Variants in GRIN3B observed in about 807,000 individuals in gnomAD.
GRIN3B encodes glutamate ionotropic receptor NMDA type subunit 3B.
Under a neutral mutation model 66.0 loss-of-function variants are expected in GRIN3B, and 77 were observed. That is an observed-to-expected ratio of 1.17 (90% CI 0.97 to 1.41). The LOEUF (loss-of-function observed/expected upper bound fraction) is 1.41, where lower values mean the gene tolerates loss of function less well. Among genes scored for constraint, GRIN3B ranks in the 40% most tolerant of loss-of-function variants. The pLI, the probability that GRIN3B is intolerant of heterozygous loss-of-function variation, is 0.00. For synonymous variants in GRIN3B, 823 were observed against 749.7 expected (o/e 1.10, Z -1.60); for missense variants, 1,787 against 1,564.5 (o/e 1.14, Z -2.40).
intron 1 of GRIN3B, among the ~76,000 whole-genome samples, chr19:1,002,920 T>C (rs2038697875): frequency 6.7e-6 from 1 of 150,006 alleles, no homozygotes. Flanking sequence ...CAAGGGTAGC[T>C]GGAGCCAAGA....
In GRIN3B at chr19:1,009,641, A is replaced by G. The variant is rs2038827489; in HGVS notation, c.*39A>G. 3.0e-6 allele frequency: 4 copies of G among 1,346,586 alleles called. No homozygotes were observed. The highest frequency in any genetic ancestry group is 1.7e-5 in the South Asian group (1 of 60,090). 83.4% of individuals were successfully genotyped at this position (1,346,586 alleles called of 1,614,324 possible). A position where few individuals can be genotyped will look rare whatever the true frequency, so the allele number is the denominator to read the frequency against. ...CCGTTTGGGCTCAAGACACACACAC[A>G]GCGCAGTGAGCCGCTGTCAACAGAC... On this transcript the variant is annotated 3_prime_UTR_variant, in exon 9 of 9. Coordinates refer to ENST00000234389, the MANE Select transcript of GRIN3B (RefSeq NM_138690.3).
chr19:1,000,662 G>A lies in GRIN3B; in HGVS notation c.225G>A (p.Val75=), dbSNP rs1453042138. ...CGCACAACCTGAGCTTGGAGCTGGTGGTCGCCGCGCCCCCCGCCCGCGACC... is the reference window on the plus strand; with the variant it reads ...CGCACAACCTGAGCTTGGAGCTGGTAGTCGCCGCGCCCCCCGCCCGCGACC... ...RLPHNLSLEL[V]VAAPPARDPA... is the part of the protein sequence containing the mutation. The change falls in exon 1 of 9, where the codon GTG becomes GTA. Residue 75 remains valine, a synonymous_variant. Coordinates refer to ENST00000234389, the MANE Select transcript of GRIN3B (RefSeq NM_138690.3). 1.5e-6 allele frequency: 2 copies of A among 1,321,892 alleles called. No homozygotes were observed. The highest frequency in any genetic ancestry group is 3.3e-5 in the East Asian group (1 of 29,888). The allele number at this position is 1,321,892 out of a possible 1,614,324, so 81.9% of individuals were successfully genotyped here. A position where few individuals can be genotyped will look rare whatever the true frequency, so the allele number is the denominator to read the frequency against.
chr19:1,009,562 A>G lies in GRIN3B; in HGVS notation c.3092A>G (p.Glu1031Gly). ...CTTCAGGCCAGAGCGGCCCCCGCGG[A>G]GGCCCCACCACACTCTGGCCGACCG... ...RLLQARAAPA[E>G]APPHSGRPGS... Residue 1031 changes from glutamate to glycine, a missense_variant, in exon 9 of 9, where the codon GAG (glutamate) becomes GGG (glycine). Coordinates refer to ENST00000234389, the MANE Select transcript of GRIN3B (RefSeq NM_138690.3). The G allele has an allele frequency of 2.2e-6, 2 of 895,002 alleles. No homozygotes were observed. The highest frequency in any genetic ancestry group is 2.0e-5 in the South Asian group (1 of 50,100). 55.4% of individuals were successfully genotyped at this position (895,002 alleles called of 1,614,324 possible). A position where few individuals can be genotyped will look rare whatever the true frequency, so the allele number is the denominator to read the frequency against.
rs765106552 is a variant in GRIN3B at position 1,008,696 on chromosome 19, T to G, written c.2545T>G (p.Ser849Ala). The G allele has an allele frequency of 6.2e-7, 1 of 1,607,404 alleles. No individual in the cohort carries two copies. Among genetic ancestry groups the G allele is most frequent in the South Asian group, 1.1e-5 (1 of 91,058 alleles). ...CLGLGSALLS[S>A]LGEHAFFRLA... ...GGGCCTGGGCAGCGCTCTGCTCAGC[T>G]CGCTGGGCGAGCACGCCTTCTTCCG... is the stretch of plus-strand genomic sequence containing the variant. Residue 849 changes from serine to alanine, a missense_variant, in exon 7 of 9, where the codon TCG becomes GCG. Transcript: ENST00000234389.
At position 1,007,673 on chromosome 19, in the gene GRIN3B, A is replaced by G. The variant is rs1278892401; in HGVS notation, c.2098A>G (p.Ser700Gly). 2.0e-6 allele frequency: 3 copies of G among 1,534,328 alleles called. No homozygotes were observed. The highest frequency in any genetic ancestry group is 2.5e-5 in the East Asian group (1 of 39,880). ...QGFRFGTVWESSAEAYIKKSF... is the reference protein window; with the variant it reads ...QGFRFGTVWEGSAEAYIKKSF... ...CTTCCGCTTCGGCACCGTGTGGGAG[A>G]GCAGCGCCGAGGCGTACATCAAGAA... The change falls in exon 4 of 9, where the codon AGC becomes GGC. Residue 700 changes from serine to glycine, a missense_variant. Transcript: ENST00000234389. This position sits in a 1 kb window ranked among gnomAD's most constrained non-coding sequence, Gnocchi z 4.4.
At chr19:1,002,559 A>G (rs2038694991) in intron 1 of GRIN3B, 1 of 152,190 alleles carries the variant, frequency 6.6e-6, no homozygotes, top group Non-Finnish European at 1.5e-5. Context: ...ACGGGGCAGT[A>G]ATGTGTGAAG....
Position 1,005,575 on chromosome 19 carries a change from C to G in GRIN3B, c.2052+22C>G. ...CAAGGTGGGCGGCCTCGGGGGGCTG[C>G]GGGTGGCCTTGGGGGGCTAGCGGTG... On this transcript the variant is annotated intron_variant, in intron 3 of 8. Coordinates refer to ENST00000234389, the MANE Select transcript of GRIN3B (RefSeq NM_138690.3). The surrounding 1 kb of genome is among the most constrained non-coding windows in gnomAD (Gnocchi z 5.2). 6.5e-7 allele frequency: 1 copy of G among 1,533,342 alleles called. No individual in the cohort carries two copies. The highest frequency in any genetic ancestry group is 8.8e-7 in the Non-Finnish European group (1 of 1,136,922). The allele number at this position is 1,533,342 out of a possible 1,614,324, so 95.0% of individuals were successfully genotyped here.
rs1237443670 is a variant in GRIN3B at position 1,007,402 on chromosome 19, G to C, written c.2053-226G>C. On this transcript the variant is annotated intron_variant, in intron 3 of 8. Coordinates refer to ENST00000234389, the MANE Select transcript of GRIN3B (RefSeq NM_138690.3). The surrounding 1 kb of genome is among the most constrained non-coding windows in gnomAD (Gnocchi z 4.4). ...TTTAGAACAGAGGGTCTCCACCCGGGGTGATCCTGCCCCCCGCCCCAGGGG... is the reference window on the plus strand; with the variant it reads ...TTTAGAACAGAGGGTCTCCACCCGGCGTGATCCTGCCCCCCGCCCCAGGGG... Among the ~76,000 whole-genome samples the C allele has an allele frequency of 4.6e-5, 7 of 152,036 alleles. No individual in the cohort carries two copies. The highest frequency in any genetic ancestry group is 2.9e-5 in the Non-Finnish European group (2 of 67,972).
At chr19:1,008,344 C>T in intron 6 of GRIN3B, 53 bp downstream of exon 6, 1 of 1,261,578 alleles carries the variant, frequency 7.9e-7, no homozygotes. Flanking sequence ...GTGGGGGGCC[C>T]TGAGCCTTGT....
chr19:1,003,753 G>T, intron 2 of GRIN3B, 31 bp downstream of exon 2: 1 of 1,377,580 alleles, frequency 7.3e-7, no homozygotes, highest in South Asian at 1.6e-5. Flanking sequence ...CCTTAGGAGG[G>T]TGTCCAGGCC....
rs149278438 is a variant in GRIN3B, at chr19:1,005,535, G to A, written c.2034G>A (p.Ser678=). The part of the protein sequence containing the change: ...MVGDKTFEEL[S]GIHDPKLHHP... ...GGGACAAGACCTTCGAGGAGCTGTCGGGGATCCACGACCCCAAGGTGGGCG... is the reference window on the plus strand; with the variant it reads ...GGGACAAGACCTTCGAGGAGCTGTCAGGGATCCACGACCCCAAGGTGGGCG... The change falls in exon 3 of 9, where the codon TCG becomes TCA. Residue 678 remains serine (S), a synonymous_variant. Coordinates refer to ENST00000234389, the MANE Select transcript of GRIN3B (RefSeq NM_138690.3). This position sits in a 1 kb window ranked among gnomAD's most constrained non-coding sequence, Gnocchi z 5.2. 47 of 1,603,094 alleles carry A rather than the reference G, an allele frequency of 2.9e-5. No individual in the cohort carries two copies. In the African/African-American group the frequency reaches 4.5e-4, roughly 15 times the overall value.
At chr19:1,001,039 G>A (rs2038679953) in intron 1 of GRIN3B, among the ~76,000 whole-genome samples, 176 bp downstream of exon 1, 1 of 152,138 alleles carries the variant, frequency 6.6e-6, no homozygotes, top group Non-Finnish European at 1.5e-5. Context: ...TGTCCCCGGA[G>A]CAAGGAAACC....
chr19:1,007,833 A>T lies in GRIN3B; in HGVS notation c.2199-23A>T. On this transcript the variant is annotated intron_variant, in intron 4 of 8. Transcript: ENST00000234389. The surrounding 1 kb of genome is among the most constrained non-coding windows in gnomAD (Gnocchi z 4.4). ...CGTGGGGTGGGCGGGGCGATGGCTG[A>T]CCCCCGCCCCCGGCCCCAGCAGGAG... 2 of 1,564,170 alleles carry T rather than the reference A, an allele frequency of 1.3e-6. No individual in the cohort carries two copies. Among genetic ancestry groups the T allele is most frequent in the Non-Finnish European group, 1.7e-6 (2 of 1,146,680 alleles).
chr19:1,008,772 A>G lies in GRIN3B; in HGVS notation c.2621A>G (p.His874Arg), dbSNP rs921708348. 8.7e-6 allele frequency: 14 copies of G among 1,602,578 alleles called. No homozygotes were observed. In the African/African-American group the frequency reaches 1.5e-4, roughly 17 times the overall value. Residue 874 changes from histidine (H) to arginine (R), a missense_variant, in exon 7 of 9, where the codon CAC (histidine) becomes CGC (arginine). Coordinates refer to ENST00000234389, the MANE Select transcript of GRIN3B (RefSeq NM_138690.3). ...GGGAGCAGGCTGCAGTACTGGCTGC[A>G]CACCAGCCAGGTGGGGAGCGGGTGG... ...RKGSRLQYWL[H>R]TSQKIHRALN...
chr19:1,003,659 C>T lies in GRIN3B; in HGVS notation c.956C>T (p.Ala319Val), dbSNP rs917854803. ...CAGCCGAAGCGAGCCCTCCTCCCCG[C>T]CCCGGTCAACTGCGGGGACCTGCAG... is the stretch of plus-strand genomic sequence containing the variant. ...QVQPKRALLP[A>V]PVNCGDLQPA... Residue 319 changes from alanine (A) to valine (V), a missense_variant, in exon 2 of 9, where the codon GCC (alanine) becomes GTC (valine). Transcript: ENST00000234389. 20 of 1,412,596 alleles carry T rather than the reference C, an allele frequency of 1.4e-5. No individual in the cohort carries two copies. The highest frequency in any genetic ancestry group is 1.7e-5 in the Non-Finnish European group (18 of 1,089,756). 87.5% of individuals were successfully genotyped at this position (1,412,596 alleles called of 1,614,324 possible).
At position 1,009,507 on chromosome 19, in the gene GRIN3B, G is replaced by T; in HGVS notation, c.3037G>T (p.Asp1013Tyr). ...CGGCCAGCTCCTGGCACAGCTCGGG[G>T]ACAGCGCACGTCACCGGCCTCGGCG... ...RRGQLLAQLGDSARHRPRRLL... is the reference protein window; with the variant it reads ...RRGQLLAQLGYSARHRPRRLL... Residue 1013 changes from aspartate to tyrosine, a missense_variant, in exon 9 of 9, where the codon GAC becomes TAC. Asp to Tyr is a radical substitution (Grantham distance 160). Transcript: ENST00000234389. 1 of 1,495,822 alleles carries T rather than the reference G, an allele frequency of 6.7e-7. No individual in the cohort carries two copies. The highest frequency in any genetic ancestry group is 8.9e-7 in the Non-Finnish European group (1 of 1,128,612). 92.7% of individuals were successfully genotyped at this position (1,495,822 alleles called of 1,614,324 possible). A position where few individuals can be genotyped will look rare whatever the true frequency, so the allele number is the denominator to read the frequency against.
chr19:1,007,611 C>T lies in GRIN3B; in HGVS notation c.2053-17C>T. 6.8e-7 allele frequency: 1 copy of T among 1,479,694 alleles called. No individual in the cohort carries two copies. 91.7% of individuals were successfully genotyped at this position (1,479,694 alleles called of 1,614,324 possible). On this transcript the variant is annotated splice_polypyrimidine_tract_variant and intron_variant, in intron 3 of 8. Transcript: ENST00000234389. The surrounding 1 kb of genome is among the most constrained non-coding windows in gnomAD (Gnocchi z 4.4). Reference sequence around the variant, plus strand: ...CCTGAGGGGCAGGCAGAGGCGCTGACGGGGTCCCCCGCGCAGCTGCACCAC... The same window carrying T: ...CCTGAGGGGCAGGCAGAGGCGCTGATGGGGTCCCCCGCGCAGCTGCACCAC...
At position 1,000,528 on chromosome 19, in the gene GRIN3B, G is replaced by C. The variant is rs947814832; in HGVS notation, c.91G>C (p.Ala31Pro). Residue 31 changes from alanine to proline, a missense_variant, in exon 1 of 9, where the codon GCG (alanine) becomes CCG (proline). Ala to Pro is a conservative substitution (Grantham distance 27, BLOSUM62 -1). Transcript: ENST00000234389. The stretch of plus-strand genomic sequence containing the variant: ...CCACCCTCAGCCGTGCGGCGTCCTG[G>C]CGCGCCTCGGGGGCTCCGTGCGCCT... ...GGHPQPCGVL[A>P]RLGGSVRLGA... 8.5e-7 allele frequency: 1 copy of C among 1,174,472 alleles called. No homozygotes were observed. Among genetic ancestry groups the C allele is most frequent in the African/African-American group, 1.6e-5 (1 of 62,010 alleles). 72.8% of individuals were successfully genotyped at this position (1,174,472 alleles called of 1,614,324 possible).
Position 1,008,718 on chromosome 19 carries a change from T to C in GRIN3B, c.2567T>C (p.Phe856Ser). 6.2e-7 allele frequency: 1 copy of C among 1,608,882 alleles called. No individual in the cohort carries two copies. The highest frequency in any genetic ancestry group is 8.5e-7 in the Non-Finnish European group (1 of 1,179,250). Residue 856 changes from phenylalanine (F) to serine (S), a missense_variant, in exon 7 of 9, where the codon TTC becomes TCC. Physicochemically the swap from Phe to Ser is radical, Grantham distance 155 (BLOSUM62 -2). Coordinates refer to ENST00000234389, the MANE Select transcript of GRIN3B (RefSeq NM_138690.3). ...LLSSLGEHAF[F>S]RLALPRIRKG... ...AGCTCGCTGGGCGAGCACGCCTTCT[T>C]CCGCCTGGCGCTGCCGCGCATCCGC...
Sources: allele counts gnomAD v4.1 joint callset (sites outside exome capture counted in the v4.1 genomes callset), GRCh38; gene constraint gnomAD v4.1.1; non-coding constraint Gnocchi (gnomAD v3.1); transcripts MANE v1.5; gene names NCBI Gene and HGNC (gene_info 2026-07-23, HGNC 2026-07-21).